Variants in CPXM2 observed in about 807,000 individuals in gnomAD.
The protein encoded by CPXM2 is inactive carboxypeptidase-like protein X2.
CPXM2 carries 66 observed loss-of-function variants against 86.1 expected under a neutral mutation model. That is an observed-to-expected ratio of 0.77 (90% CI 0.63 to 0.94). The LOEUF is 0.94. CPXM2 is among the 40% of genes least tolerant of loss of function. CPXM2 has a pLI of 0.00. For missense variants in CPXM2, 948 were observed against 1,026.3 expected, an observed-to-expected ratio of 0.92 and a Z score of 1.04; for synonymous variants, 388 against 400.2, an observed-to-expected ratio of 0.97 and a Z score of 0.36.
intron 4 of CPXM2, among the ~76,000 whole-genome samples, chr10:123,831,385 C>T (rs1848163378): frequency 6.6e-6 from 1 of 152,224 alleles, no homozygotes; most frequent in Admixed American, 6.5e-5. Context: ...GCACTGCCTA[C>T]AGCTGGGAGC....
At chr10:123,902,701 C>T (rs1160938269) in intron 2 of CPXM2, among the ~76,000 whole-genome samples, 1 of 152,200 alleles carries the variant, frequency 6.6e-6, no homozygotes, top group African/African-American at 2.4e-5. Flanking sequence ...GCTCCTCCCT[C>T]ATGACTTAAT....
intron 3 of CPXM2, among the ~76,000 whole-genome samples, chr10:123,850,228 T>C (rs2134169898): frequency 6.6e-6 from 1 of 152,350 alleles, no homozygotes; most frequent in African/African-American, 2.4e-5. Flanking sequence ...AACATACCTA[T>C]GTATGTCTTC....
intron 12 of CPXM2, among the ~76,000 whole-genome samples, chr10:123,756,585 G>A (rs1166966480): frequency 5.8e-5 from 6 of 103,678 alleles, no homozygotes; most frequent in African/African-American, 1.1e-4. Context: ...ACCCCACCCC[G>A]ACCCCCATAT....
At chr10:123,877,766 A>G (rs1353671969) in intron 2 of CPXM2, among the ~76,000 whole-genome samples, 1 of 152,214 alleles carries the variant, frequency 6.6e-6, no homozygotes, top group Non-Finnish European at 1.5e-5. Flanking sequence ...ATTACAAAAC[A>G]ACACCTAAAA....
intron 4 of CPXM2, among the ~76,000 whole-genome samples, chr10:123,821,270 C>T (rs1847918203): frequency 6.6e-6 from 1 of 152,232 alleles, no homozygotes; most frequent in African/African-American, 2.4e-5. Context: ...AAGAAAATTC[C>T]TCCCACTTGA....
chr10:123,778,407 G>T (rs566888833), intron 7 of CPXM2, among the ~76,000 whole-genome samples: 1 of 152,118 alleles, frequency 6.6e-6, no homozygotes, highest in East Asian at 1.9e-4. Flanking sequence ...ATTGATGGGC[G>T]CTCTCCTGGA....
upstream of CPXM2, among the ~76,000 whole-genome samples, chr10:123,893,194 G>A (rs1182255740): frequency 6.6e-6 from 1 of 152,144 alleles, no homozygotes; most frequent in East Asian, 1.9e-4. Flanking sequence ...GTGCGCTACA[G>A]GGACAGACTG....
At chr10:123,925,061 T>C (rs1050717611) in intron 2 of CPXM2, among the ~76,000 whole-genome samples, 2 of 151,982 alleles carry the variant, frequency 1.3e-5, no homozygotes, top group African/African-American at 2.4e-5. Context: ...TAAGGGATTA[T>C]GATTTAGGGG....
chr10:123,782,584 A>G (rs1010107106), intron 6 of CPXM2, among the ~76,000 whole-genome samples: 3 of 152,160 alleles, frequency 2.0e-5, no homozygotes, highest in Admixed American at 2.0e-4. Flanking sequence ...TGATTAGACA[A>G]AGTTTTATTG....
At chr10:123,818,453 T>C (rs1343736156) in intron 4 of CPXM2, among the ~76,000 whole-genome samples, 1 of 152,180 alleles carries the variant, frequency 6.6e-6, no homozygotes, top group Non-Finnish European at 1.5e-5. Flanking sequence ...GTTGATTATA[T>C]TGGACCTCTT....
intron 2 of CPXM2, among the ~76,000 whole-genome samples, chr10:123,900,426 C>T (rs1945372617): frequency 1.3e-5 from 2 of 152,310 alleles, no homozygotes; most frequent in Admixed American, 6.5e-5. Flanking sequence ...AGGCTATTTA[C>T]AGAAGTGAAA....
chr10:123,876,645 T>A (rs1944992383), intron 2 of CPXM2, among the ~76,000 whole-genome samples: 1 of 152,218 alleles, frequency 6.6e-6, no homozygotes, highest in South Asian at 2.1e-4. Flanking sequence ...AATGGTTATA[T>A]AAGCACTTAT....
intron 3 of CPXM2, among the ~76,000 whole-genome samples, chr10:123,848,247 C>T (rs559590668): frequency 2.0e-5 from 3 of 152,276 alleles, no homozygotes; most frequent in East Asian, 1.9e-4. Flanking sequence ...CTTCAATAAA[C>T]CTCTGTAATA....
chr10:123,823,656 G>A (rs759447444), intron 4 of CPXM2, among the ~76,000 whole-genome samples: 8 of 152,124 alleles, frequency 5.3e-5, no homozygotes, highest in Non-Finnish European at 1.2e-4. Context: ...CAGAGATAGA[G>A]AGAAAGAGAC....
chr10:123,761,727 A>G (rs1333458550), intron 11 of CPXM2, 145 bp downstream of exon 11: 3 of 720,492 alleles, frequency 4.2e-6, no homozygotes, highest in Non-Finnish European at 6.9e-6. Context: ...TGTGCTTAGG[A>G]AAGTGCTGGC....
At chr10:123,934,729 C>A (rs1296875947) in intron 2 of CPXM2, among the ~76,000 whole-genome samples, 2 of 152,186 alleles carry the variant, frequency 1.3e-5, no homozygotes, top group African/African-American at 4.8e-5. Flanking sequence ...GGCCCTTCAT[C>A]CACATCCGCC....
chr10:123,798,680 C>T (rs1213867866), intron 5 of CPXM2, among the ~76,000 whole-genome samples: 1 of 152,148 alleles, frequency 6.6e-6, no homozygotes, highest in Non-Finnish European at 1.5e-5. Context: ...CATTGGATAC[C>T]ATGCTAGGAA....
chr10:123,768,463 A>G, intron 9 of CPXM2, 63 bp downstream of exon 9: 2 of 1,353,006 alleles, frequency 1.5e-6, no homozygotes, highest in Middle Eastern at 2.2e-4. Context: ...AGGGCCAGAC[A>G]TACTCTGGAG....
chr10:123,758,023 C>G (rs1043763498), intron 11 of CPXM2, among the ~76,000 whole-genome samples: 4 of 152,088 alleles, frequency 2.6e-5, no homozygotes, highest in African/African-American at 7.2e-5. Flanking sequence ...GTCTGCATGC[C>G]CTTGCCCACA....
Sources: allele counts gnomAD v4.1 joint callset (sites outside exome capture counted in the v4.1 genomes callset), GRCh38; gene constraint gnomAD v4.1.1; transcripts MANE v1.5; gene names NCBI Gene and HGNC (gene_info 2026-07-23, HGNC 2026-07-21).